The following CAD variants were observed in gnomAD, a reference collection of about 807,000 sequenced individuals.
The protein encoded by CAD is carbamoyl-phosphate synthetase 2, aspartate transcarbamylase, and dihydroorotase, also known as multifunctional protein CAD.
A neutral mutation model predicts 237.2 loss-of-function variants in CAD; 81 were observed. The observed-to-expected ratio is 0.34, with a 90% CI of 0.29 to 0.41. The LOEUF (loss-of-function observed/expected upper bound fraction) is 0.41. Among genes scored for constraint, CAD ranks in the 10% least tolerant of loss-of-function variants. The pLI is 1.00. For missense variants in CAD, 2,181 were observed against 2,951.7 expected, an observed-to-expected ratio of 0.74 and a Z score of 6.05; for synonymous variants, 1,196 against 1,162.8, an observed-to-expected ratio of 1.03 and a Z score of -0.58.
rs368332006 is a variant in CAD, at chr2:27,236,417, G to A, written c.4208G>A (p.Arg1403Gln). ...CTGTCAATGCGTGGAGCTGGGGGCCGGCGTCTCTCTTCCTTTGTCACCAAG... is the reference window on the plus strand; with the variant it reads ...CTGTCAATGCGTGGAGCTGGGGGCCAGCGTCTCTCTTCCTTTGTCACCAAG... ...INLSMRGAGG[R>Q]RLSSFVTKGY... Residue 1403 changes from arginine to glutamine, a missense_variant, in exon 26 of 44, where the codon CGG (arginine) becomes CAG (glutamine). This residue lies in a region of CAD where 306 missense variants were observed against 607.9 expected (regional missense o/e 0.50). Transcript: ENST00000264705. The surrounding 1 kb of genome is among the most constrained non-coding windows in gnomAD (Gnocchi z 4.1). The A allele has an allele frequency of 1.3e-5, 21 of 1,614,038 alleles. No individual in the cohort carries two copies. The highest frequency in any genetic ancestry group is 1.1e-4 in the African/African-American group (8 of 74,908).
Position 27,223,049 on chromosome 2 carries a change from G to A in CAD, c.809+12G>A, listed in dbSNP as rs1675253356. 1.2e-6 allele frequency: 2 copies of A among 1,613,806 alleles called. No individual in the cohort carries two copies. Among genetic ancestry groups the A allele is most frequent in the East Asian group, 4.5e-5 (2 of 44,872 alleles). ...ACTTACAAGATGAGGTGGGACTTGT[G>A]GGGAGCAGAAGGGGCCCATACTTGT... On this transcript the variant is annotated intron_variant, in intron 6 of 43. Transcript: ENST00000264705.
chr2:27,229,932 G>C (rs941812345), intron 15 of CAD, among the ~76,000 whole-genome samples: 6 of 149,958 alleles, frequency 4.0e-5, no homozygotes, highest in Non-Finnish European at 5.9e-5. Flanking sequence ...AATTATGGCA[G>C]ATCATACAAG....
rs1676261225 is a variant in CAD, at chr2:27,240,453, T to C, written c.5593+92T>C. 6.8e-7 allele frequency: 1 copy of C among 1,478,170 alleles called. No homozygotes were observed. Among genetic ancestry groups the C allele is most frequent in the East Asian group, 2.3e-5 (1 of 43,864 alleles). 91.6% of individuals were successfully genotyped at this position (1,478,170 alleles called of 1,614,324 possible). A position where few individuals can be genotyped will look rare whatever the true frequency, so the allele number is the denominator to read the frequency against. ...GCCTTTCTCTACTTACATGTCCTCC[T>C]CTCCATCCCTTTATCCTCGTCTGAT... On this transcript the variant is annotated intron_variant, in intron 35 of 43. Coordinates refer to ENST00000264705, the MANE Select transcript of CAD (RefSeq NM_004341.5). This position sits in a 1 kb window ranked among gnomAD's most constrained non-coding sequence, Gnocchi z 4.6.
In CAD at chr2:27,239,478, A is replaced by C; in HGVS notation, c.5394+7A>C. The C allele has an allele frequency of 6.2e-7, 1 of 1,612,800 alleles. No individual in the cohort carries two copies. Among genetic ancestry groups the C allele is most frequent in the Non-Finnish European group, 8.5e-7 (1 of 1,179,366 alleles). On this transcript the variant is annotated splice_region_variant and intron_variant, in intron 33 of 43. Transcript: ENST00000264705. This position sits in a 1 kb window ranked among gnomAD's most constrained non-coding sequence, Gnocchi z 4.0. ...TGCCTATATCGATGGGCAGGTACGC[A>C]AGTAGCCCCTGCCTGATCTCAGTAG...
Position 27,224,574 on chromosome 2 carries a change from G to A in CAD, c.1254+84G>A, listed in dbSNP as rs1675338264. The A allele has an allele frequency of 2.6e-6, 4 of 1,565,452 alleles. No homozygotes were observed. In the African/African-American group the frequency reaches 4.1e-5, roughly 16 times the overall value. ...TTAAGGAGAAGGGCTAAGGTTGCAG[G>A]GAGGAAATGAACCAGATTTGGGGAA... On this transcript the variant is annotated intron_variant, in intron 9 of 43. Transcript: ENST00000264705.
At chr2:27,228,922 C>CTTTTTTTTTTTTTTT (rs1183635798) in intron 15 of CAD, among the ~76,000 whole-genome samples, 1 of 105,950 alleles carries the variant, frequency 9.4e-6, no homozygotes. Flanking sequence ...TTTTTTTTTT[C>CTTTTTTTTTTTTTTT]TTTTTTTTTT....
At chr2:27,223,190 G>A (rs1334172775) in intron 6 of CAD, among the ~76,000 whole-genome samples, 153 bp downstream of exon 6, 1 of 152,172 alleles carries the variant, frequency 6.6e-6, no homozygotes, top group Non-Finnish European at 1.5e-5. Flanking sequence ...CAGCACTTTG[G>A]GAGGCCAAGG....
intron 15 of CAD, 109 bp from the exon 16 acceptor site, chr2:27,231,359 C>T (rs966520355): frequency 1.6e-5 from 11 of 675,906 alleles, no homozygotes; most frequent in Non-Finnish European, 2.4e-5. Context: ...TGTGACTTGC[C>T]TTGAGAATCT....
intron 15 of CAD, among the ~76,000 whole-genome samples, chr2:27,230,898 C>T (rs1572436987): frequency 6.6e-6 from 1 of 152,184 alleles, no homozygotes; most frequent in Non-Finnish European, 1.5e-5. Flanking sequence ...TCCCCATGCC[C>T]GTTTTAGGCA....
rs1490809238 is a variant in CAD, at chr2:27,217,463, C to T, written c.-89C>T. 2.6e-6 allele frequency: 3 copies of T among 1,175,468 alleles called. No homozygotes were observed. Among genetic ancestry groups the T allele is most frequent in the Non-Finnish European group, 3.7e-6 (3 of 806,336 alleles). The allele number at this position is 1,175,468 out of a possible 1,614,324, so 72.8% of individuals were successfully genotyped here. Reference sequence around the variant, plus strand: ...CCGCGCCGTTAGCCACGTGGACCGACTCCGGCGCGCCGTCCTCACGTGGTT... The same window carrying T: ...CCGCGCCGTTAGCCACGTGGACCGATTCCGGCGCGCCGTCCTCACGTGGTT... On this transcript the variant is annotated 5_prime_UTR_variant, in exon 1 of 44. Transcript: ENST00000264705.
In CAD at chr2:27,240,757, G is replaced by C. The variant is rs1676277873; in HGVS notation, c.5594-154G>C. 8.5e-7 allele frequency: 1 copy of C among 1,170,082 alleles called. No homozygotes were observed. Among genetic ancestry groups the C allele is most frequent in the South Asian group, 1.4e-5 (1 of 70,426 alleles). 72.5% of individuals were successfully genotyped at this position (1,170,082 alleles called of 1,614,324 possible). A position where few individuals can be genotyped will look rare whatever the true frequency, so the allele number is the denominator to read the frequency against. ...GGGAAGCCACCTGTCTGTCCCCAGA[G>C]CTGCTGCAGTCCCCTGCCCTCCCCT... On this transcript the variant is annotated intron_variant, in intron 35 of 43. Coordinates refer to ENST00000264705, the MANE Select transcript of CAD (RefSeq NM_004341.5). The surrounding 1 kb of genome is among the most constrained non-coding windows in gnomAD (Gnocchi z 4.6).
Position 27,239,844 on chromosome 2 carries a change from G to A in CAD, c.5496+46G>A. The stretch of plus-strand genomic sequence containing the variant: ...GGGGGCTGGGAGGTGTTAGTCTCAG[G>A]GCAGGATGAACAGCTTGAACATTTT... On this transcript the variant is annotated intron_variant, in intron 34 of 43. Transcript: ENST00000264705. The surrounding 1 kb of genome is among the most constrained non-coding windows in gnomAD (Gnocchi z 4.0). 7.5e-7 allele frequency: 1 copy of A among 1,340,714 alleles called. No homozygotes were observed. The highest frequency in any genetic ancestry group is 1.0e-6 in the Non-Finnish European group (1 of 979,744). 83.1% of individuals were successfully genotyped at this position (1,340,714 alleles called of 1,614,324 possible). A position where few individuals can be genotyped will look rare whatever the true frequency, so the allele number is the denominator to read the frequency against.
rs1572454168 is a variant in CAD at position 27,241,844 on chromosome 2, G to A, written c.5884-67G>A. The stretch of plus-strand genomic sequence containing the variant: ...CCCTCAAGTGTCAGTTGGGGTGGTG[G>A]TGCCTAGCTGGGGTTTCCCCAGGGT... On this transcript the variant is annotated intron_variant, in intron 38 of 43. Transcript: ENST00000264705. The surrounding 1 kb of genome is among the most constrained non-coding windows in gnomAD (Gnocchi z 4.6). 4 of 1,321,912 alleles carry A rather than the reference G, an allele frequency of 3.0e-6. No individual in the cohort carries two copies. In the East Asian group the frequency reaches 9.4e-5, roughly 31 times the overall value. The allele number at this position is 1,321,912 out of a possible 1,614,324, so 81.9% of individuals were successfully genotyped here.
chr2:27,222,368 C>T (rs1289221211), intron 4 of CAD, 32 bp downstream of exon 4: 4 of 1,596,138 alleles, frequency 2.5e-6, no homozygotes, highest in Admixed American at 1.7e-5. Flanking sequence ...GTGTTGCAAG[C>T]TCTAGCACAG....
Position 27,224,325 on chromosome 2 carries a change from G to A in CAD, c.1109-20G>A, listed in dbSNP as rs1043961680. 5.0e-6 allele frequency: 8 copies of A among 1,613,820 alleles called. No individual in the cohort carries two copies. The Admixed American group carries it at 1.0e-4, about 20-fold the overall frequency. ...GTCCAGCTCAGCTCTAACATTCTAC[G>A]ACCTTCTTTGCTTCCACAGTTAGAG... On this transcript the variant is annotated intron_variant, in intron 8 of 43. Transcript: ENST00000264705.
intron 15 of CAD, among the ~76,000 whole-genome samples, chr2:27,230,747 A>G (rs571237410): frequency 5.9e-5 from 9 of 152,238 alleles, no homozygotes; most frequent in Non-Finnish European, 1.2e-4. Context: ...TATTATCTAC[A>G]CTTTTTTAAA....
In CAD at chr2:27,233,853, C is replaced by A. The variant is rs370777048; in HGVS notation, c.3399+45C>A. ...GAAGTCTCTGAGGGCATGCTGCCAG[C>A]CCTGGAGGAGACTTCCTTCTCTGGT... On this transcript the variant is annotated intron_variant, in intron 21 of 43. Transcript: ENST00000264705. The surrounding 1 kb of genome is among the most constrained non-coding windows in gnomAD (Gnocchi z 6.3). 5 of 1,599,586 alleles carry A rather than the reference C, an allele frequency of 3.1e-6. No individual in the cohort carries two copies. The highest frequency in any genetic ancestry group is 4.3e-6 in the Non-Finnish European group (5 of 1,169,704).
rs1446804378 is a variant in CAD, at chr2:27,218,086, AGACGTT to A, written c.222+74_222+79del. ...AATTGTTAACTATTAGTGAAGTAGG[AGACGTT>A]GACACCCTGCTGGGCATCCTGCAGA... On this transcript the variant is annotated intron_variant, in intron 2 of 43. Transcript: ENST00000264705. 79 of 1,380,380 alleles carry A rather than the reference AGACGTT, an allele frequency of 5.7e-5. 1 individual carries two copies. In the Middle Eastern group the frequency reaches 1.5e-3, roughly 26 times the overall value. The allele number at this position is 1,380,380 out of a possible 1,614,324, so 85.5% of individuals were successfully genotyped here.
Position 27,226,514 on chromosome 2 carries a change from C to A in CAD, c.2032-11C>A, listed in dbSNP as rs1192953355. 1 of 1,613,520 alleles carries A rather than the reference C, an allele frequency of 6.2e-7. No individual in the cohort carries two copies. The highest frequency in any genetic ancestry group is 8.5e-7 in the Non-Finnish European group (1 of 1,179,822). ...CTTCTAGGCCAGTGACTTTATTCTCCTTCTTTGCAGTATTACATCATTGAA... is the reference window on the plus strand; with the variant it reads ...CTTCTAGGCCAGTGACTTTATTCTCATTCTTTGCAGTATTACATCATTGAA... On this transcript the variant is annotated splice_polypyrimidine_tract_variant and intron_variant, in intron 13 of 43. Coordinates refer to ENST00000264705, the MANE Select transcript of CAD (RefSeq NM_004341.5).
Sources: allele counts gnomAD v4.1 joint callset (sites outside exome capture counted in the v4.1 genomes callset), GRCh38; gene constraint gnomAD v4.1.1; regional missense constraint gnomAD v4.1.1; non-coding constraint Gnocchi (gnomAD v3.1); transcripts MANE v1.5; gene names NCBI Gene and HGNC (gene_info 2026-07-23, HGNC 2026-07-21).